The following CDH2 variants were observed in gnomAD, a reference collection of about 807,000 sequenced individuals.
The protein encoded by CDH2 is cadherin-2.
CDH2 carries 17 observed loss-of-function variants against 92.0 expected under a neutral mutation model. That is an observed-to-expected ratio of 0.18 (90% CI 0.13 to 0.28). The LOEUF is 0.28. Ranked by LOEUF, CDH2 falls within the 10% of genes least tolerant of loss-of-function variation. The pLI, the probability that CDH2 is intolerant of heterozygous loss-of-function variation, is 1.00. For synonymous variants in CDH2, 419 were observed against 415.9 expected (o/e 1.01, Z -0.09); for missense variants, 862 against 1,133.1 (o/e 0.76, Z 3.44).
chr18:27,983,340 TG>T (rs2012121344), intron 13 of CDH2, among the ~76,000 whole-genome samples: 1 of 152,198 alleles, frequency 6.6e-6, no homozygotes, highest in Non-Finnish European at 1.5e-5. Flanking sequence ...TGATCATCCT[TG>T]TTCTCAGTTT....
intron 1 of CDH2, among the ~76,000 whole-genome samples, chr18:28,170,338 T>C (rs768159997): frequency 6.6e-6 from 1 of 152,168 alleles, no homozygotes; most frequent in Non-Finnish European, 1.5e-5. Context: ...GTTGTCCTTC[T>C]CTGTAGCTTT....
intron 2 of CDH2, among the ~76,000 whole-genome samples, chr18:28,117,878 T>A (rs2015521361): frequency 6.6e-6 from 1 of 152,090 alleles, no homozygotes; most frequent in South Asian, 2.1e-4. Context: ...AGACTATTAC[T>A]CTTTCTAGTA....
chr18:28,157,887 T>A (rs959925275), intron 1 of CDH2, among the ~76,000 whole-genome samples: 4 of 152,200 alleles, frequency 2.6e-5, no homozygotes, highest in Non-Finnish European at 5.9e-5. Context: ...CTTCTAAAAG[T>A]ATACATGGAA....
At chr18:28,081,071 G>A (rs2014819793) in intron 2 of CDH2, among the ~76,000 whole-genome samples, 1 of 152,132 alleles carries the variant, frequency 6.6e-6, no homozygotes, top group African/African-American at 2.4e-5. Context: ...AGGCACCTGT[G>A]AGGCTCAACC....
chr18:28,119,669 A>G (rs180838283), intron 2 of CDH2, among the ~76,000 whole-genome samples: 1 of 152,240 alleles, frequency 6.6e-6, no homozygotes, highest in Admixed American at 6.5e-5. Flanking sequence ...CTGAAACTGT[A>G]ACCCAATATT....
At chr18:28,171,982 T>C (rs2016470849) in intron 1 of CDH2, among the ~76,000 whole-genome samples, 1 of 152,142 alleles carries the variant, frequency 6.6e-6, no homozygotes, top group Admixed American at 6.5e-5. Flanking sequence ...TGACATAAAG[T>C]AATCAATCAA....
chr18:28,024,237 T>C (rs576496405), intron 2 of CDH2, among the ~76,000 whole-genome samples: 2 of 152,068 alleles, frequency 1.3e-5, no homozygotes, highest in African/African-American at 4.8e-5. Flanking sequence ...TGAATTCCAA[T>C]TTAAGAGAAT....
chr18:28,125,362 A>G (rs537134070), intron 2 of CDH2, among the ~76,000 whole-genome samples: 1 of 152,296 alleles, frequency 6.6e-6, no homozygotes, highest in African/African-American at 2.4e-5. Flanking sequence ...TAATGTAAAA[A>G]CTAATATCTG....
At chr18:28,162,564 C>A (rs1477378165) in intron 1 of CDH2, among the ~76,000 whole-genome samples, 1 of 152,054 alleles carries the variant, frequency 6.6e-6, no homozygotes, top group East Asian at 1.9e-4. Context: ...GTTAGATTTT[C>A]CCATTCTTAA....
At chr18:27,974,987 C>A (rs17468088) in intron 14 of CDH2, among the ~76,000 whole-genome samples, 22,505 of 152,080 alleles carry the variant, frequency 0.15, 2,087 homozygotes, top group East Asian at 0.38. Context: ...CATCTCAGAT[C>A]AAACAAAAAA....
intron 2 of CDH2, among the ~76,000 whole-genome samples, chr18:28,028,374 C>T (rs893372556): frequency 6.6e-6 from 1 of 152,100 alleles, no homozygotes; most frequent in Non-Finnish European, 1.5e-5. Flanking sequence ...GCATTAAGCA[C>T]ACTAGCCCCA....
At position 28,014,126 on chromosome 18, in the gene CDH2, C is replaced by A. The variant is rs2013177580; in HGVS notation, c.173-217G>T. Among the ~76,000 whole-genome samples the A allele has an allele frequency of 3.3e-5, 5 of 152,244 alleles. 1 individual carries two copies. In the South Asian group the frequency reaches 1.0e-3, roughly 32 times the overall value. On this transcript the variant is annotated intron_variant, in intron 2 of 15. Transcript: ENST00000269141. ...AGCTGTGCCCTAGCATTTCCTTCTT[C>A]CAAAGCTTTCCCCTTCTTTTCATAC...
chr18:27,941,977 A>G (rs1209754545), intron 6 of CDH2, among the ~76,000 whole-genome samples: 2 of 152,246 alleles, frequency 1.3e-5, no homozygotes, highest in Non-Finnish European at 2.9e-5. Flanking sequence ...AATCAAGTAC[A>G]ATTCTACTTC....
intron 2 of CDH2, among the ~76,000 whole-genome samples, chr18:28,068,146 C>T (rs1349083414): frequency 1.3e-5 from 2 of 152,126 alleles, no homozygotes; most frequent in Non-Finnish European, 2.9e-5. Flanking sequence ...AGGGAGGATC[C>T]CACCGCTGAG....
At chr18:28,050,767 G>A (rs1346184527) in intron 2 of CDH2, among the ~76,000 whole-genome samples, 1 of 152,156 alleles carries the variant, frequency 6.6e-6, no homozygotes, top group African/African-American at 2.4e-5. Context: ...ACTTGACAAG[G>A]AGAGGCCTCT....
intron 1 of CDH2, among the ~76,000 whole-genome samples, chr18:28,174,342 A>C (rs924167777): frequency 3.3e-5 from 5 of 152,162 alleles, no homozygotes; most frequent in Non-Finnish European, 4.4e-5. Context: ...TCGGGCGTGT[A>C]AAGCAGACCA....
chr18:28,036,701 G>A (rs1208590777), intron 2 of CDH2: 1 of 624,854 alleles, frequency 1.6e-6, no homozygotes, highest in East Asian at 2.6e-5. Flanking sequence ...CAGCAAAACA[G>A]AGATTGGGTG....
intron 14 of CDH2, among the ~76,000 whole-genome samples, chr18:27,973,423 A>C (rs1414204393): frequency 6.6e-6 from 1 of 152,216 alleles, no homozygotes; most frequent in African/African-American, 2.4e-5. Context: ...AGAAAGTACT[A>C]GAAGCTTTCT....
At chr18:28,051,184 T>C (rs2014183640) in intron 2 of CDH2, among the ~76,000 whole-genome samples, 1 of 152,232 alleles carries the variant, frequency 6.6e-6, no homozygotes, top group Non-Finnish European at 1.5e-5. Flanking sequence ...ATATTTCTGT[T>C]ACACTTTTAT....
Sources: allele counts gnomAD v4.1 joint callset (sites outside exome capture counted in the v4.1 genomes callset), GRCh38; gene constraint gnomAD v4.1.1; transcripts MANE v1.5; gene names NCBI Gene and HGNC (gene_info 2026-07-23, HGNC 2026-07-21).